KLHL1: variants seen among roughly 807,000 people sequenced by gnomAD.
KLHL1 encodes kelch like family member 1.
KLHL1 carries 47 observed loss-of-function variants against 77.7 expected under a neutral mutation model. That is an observed-to-expected ratio of 0.60 (90% CI 0.48 to 0.77). KLHL1 has a LOEUF of 0.77. KLHL1 is among the 30% of genes least tolerant of loss of function. KLHL1 has a pLI of 0.00. For synonymous variants in KLHL1, 360 were observed against 325.2 expected, an observed-to-expected ratio of 1.11 and a Z score of -1.15; for missense variants, 925 against 910.8, an observed-to-expected ratio of 1.02 and a Z score of -0.20.
intron 6 of KLHL1, among the ~76,000 whole-genome samples, chr13:69,824,382 T>C (rs1359190602): frequency 6.6e-6 from 1 of 152,090 alleles, no homozygotes; most frequent in Non-Finnish European, 1.5e-5. Flanking sequence ...GATGATATTT[T>C]CTCTGATGTT....
intron 4 of KLHL1, among the ~76,000 whole-genome samples, chr13:69,887,229 T>G (rs1435275768): frequency 6.6e-6 from 1 of 152,170 alleles, no homozygotes; most frequent in African/African-American, 2.4e-5. Context: ...ATCTTTTGAC[T>G]TCTGAGACAA....
intron 7 of KLHL1, among the ~76,000 whole-genome samples, chr13:69,764,833 AC>A (rs1487651390): frequency 6.6e-6 from 1 of 150,490 alleles, no homozygotes; most frequent in African/African-American, 2.4e-5. Context: ...GAAAACCTAT[AC>A]CCTAGAGGGT....
At chr13:69,928,189 C>T (rs1236640037) in intron 4 of KLHL1, among the ~76,000 whole-genome samples, 1 of 152,158 alleles carries the variant, frequency 6.6e-6, no homozygotes, top group Non-Finnish European at 1.5e-5. Flanking sequence ...ACAGCTGATG[C>T]CAACCTGTTT....
intron 4 of KLHL1, among the ~76,000 whole-genome samples, chr13:69,919,282 G>A (rs1364150652): frequency 6.6e-6 from 1 of 151,994 alleles, no homozygotes; most frequent in Non-Finnish European, 1.5e-5. Context: ...ATAGAAATCT[G>A]TGCTTGTTAT....
intron 5 of KLHL1, among the ~76,000 whole-genome samples, chr13:69,876,172 T>C (rs570637921): frequency 6.6e-6 from 1 of 152,270 alleles, no homozygotes; most frequent in African/African-American, 2.4e-5. Flanking sequence ...AAATCAAATA[T>C]AACGTATAAA....
At chr13:70,068,860 G>A (rs112457423) in intron 1 of KLHL1, among the ~76,000 whole-genome samples, 1 of 152,088 alleles carries the variant, frequency 6.6e-6, no homozygotes, top group Non-Finnish European at 1.5e-5. Flanking sequence ...CTCGTCGTGG[G>A]GGAGGAGGCA....
At chr13:70,050,144 T>C (rs1406160842) in intron 1 of KLHL1, among the ~76,000 whole-genome samples, 1 of 151,952 alleles carries the variant, frequency 6.6e-6, no homozygotes, top group African/African-American at 2.4e-5. Flanking sequence ...AATTTTATAA[T>C]ATTCATATTA....
intron 7 of KLHL1, among the ~76,000 whole-genome samples, chr13:69,783,475 C>T (rs1038962090): frequency 1.5e-4 from 23 of 152,098 alleles, no homozygotes; most frequent in Middle Eastern, 3.4e-3. Context: ...GCAGAGAAGT[C>T]CTTAAAGGAG....
At chr13:69,905,730 G>A (rs1882025660) in intron 4 of KLHL1, among the ~76,000 whole-genome samples, 1 of 151,898 alleles carries the variant, frequency 6.6e-6, no homozygotes. Context: ...TTTAGATGAG[G>A]ACAGTGAGGT....
At chr13:70,012,648 T>G (rs937356771) in intron 1 of KLHL1, among the ~76,000 whole-genome samples, 1 of 152,136 alleles carries the variant, frequency 6.6e-6, no homozygotes, top group Non-Finnish European at 1.5e-5. Flanking sequence ...CTGTGGCTCA[T>G]GCCTGTAATC....
chr13:69,732,087 G>A (rs1316963071), intron 8 of KLHL1, among the ~76,000 whole-genome samples: 2 of 152,070 alleles, frequency 1.3e-5, no homozygotes, highest in African/African-American at 4.8e-5. Context: ...TAAAGATATC[G>A]TGTAAGAAAA....
rs749523487 is a variant in KLHL1, at chr13:69,882,392, T to C, written c.1118A>G (p.Glu373Gly). Reference sequence around the variant, plus strand: ...CATCATCAATGCATGGAAGATGGTTTCTTCATCAGGAACATTGACATCATC... The same window carrying C: ...CATCATCAATGCATGGAAGATGGTTCCTTCATCAGGAACATTGACATCATC... ...ASDDVNVPDE[E>G]TIFHALMMWV... The change falls in exon 5 of 11, where the codon GAA becomes GGA. Residue 373 changes from glutamate (E) to glycine (G), a missense_variant. Coordinates refer to ENST00000377844, the MANE Select transcript of KLHL1 (RefSeq NM_020866.3). 6.2e-7 allele frequency: 1 copy of C among 1,613,328 alleles called. No individual in the cohort carries two copies.
At chr13:69,921,310 T>G (rs1882624548) in intron 4 of KLHL1, among the ~76,000 whole-genome samples, 1 of 152,214 alleles carries the variant, frequency 6.6e-6, no homozygotes, top group Non-Finnish European at 1.5e-5. Flanking sequence ...GCAGGCATAA[T>G]CCCTGTCCTC....
At chr13:69,923,534 TA>T (rs1396044190) in intron 4 of KLHL1, among the ~76,000 whole-genome samples, 1 of 152,222 alleles carries the variant, frequency 6.6e-6, no homozygotes, top group Non-Finnish European at 1.5e-5. Context: ...TTATTATTTT[TA>T]AAGTGCCATC....
chr13:69,920,221 C>A (rs550562001), intron 4 of KLHL1, among the ~76,000 whole-genome samples: 2 of 151,882 alleles, frequency 1.3e-5, no homozygotes, highest in African/African-American at 4.8e-5. Flanking sequence ...TCCTAGAATG[C>A]CAGTTCACTA....
intron 8 of KLHL1, among the ~76,000 whole-genome samples, chr13:69,728,379 CAG>C (rs1185984786): frequency 2.0e-5 from 3 of 151,302 alleles, no homozygotes; most frequent in African/African-American, 7.3e-5. Context: ...TCAGACTGAA[CAG>C]AAATTACAAC....
intron 1 of KLHL1, among the ~76,000 whole-genome samples, chr13:69,988,088 T>C (rs560253295): frequency 3.3e-5 from 5 of 151,892 alleles, no homozygotes; most frequent in South Asian, 4.2e-4. Flanking sequence ...TAGCTTTTTT[T>C]TGGCGGGGGG....
chr13:69,970,461 CTTCT>C (rs1488276469), intron 2 of KLHL1, among the ~76,000 whole-genome samples: 1 of 151,826 alleles, frequency 6.6e-6, no homozygotes, highest in African/African-American at 2.4e-5. Context: ...GTGTTCTTGC[CTTCT>C]TTATGAGGCC....
chr13:69,929,257 C>T (rs2482565), intron 4 of KLHL1, among the ~76,000 whole-genome samples: 34 of 152,056 alleles, frequency 2.2e-4, no homozygotes, highest in African/African-American at 8.0e-4. Context: ...ATTGTTAAAA[C>T]GTCAAGCCTT....
Sources: allele counts gnomAD v4.1 joint callset (sites outside exome capture counted in the v4.1 genomes callset), GRCh38; gene constraint gnomAD v4.1.1; transcripts MANE v1.5; gene names NCBI Gene and HGNC (gene_info 2026-07-23, HGNC 2026-07-21).